NAALADL2: variants seen among roughly 807,000 people sequenced by gnomAD.
NAALADL2 encodes inactive N-acetylated-alpha-linked acidic dipeptidase-like protein 2.
NAALADL2 carries 76 observed loss-of-function variants against 87.2 expected under a neutral mutation model. The observed-to-expected ratio is 0.87, with a 90% CI of 0.72 to 1.05. The LOEUF (loss-of-function observed/expected upper bound fraction) is 1.05, where lower values mean the gene tolerates loss of function less well. NAALADL2 is among the 50% of genes least tolerant of loss of function. The pLI is 0.00. For synonymous variants in NAALADL2, 354 were observed against 331.0 expected (o/e 1.07, Z -0.75); for missense variants, 1,089 against 945.8 (o/e 1.15, Z -1.99).
chr3:174,725,190 A>G (rs986954671), intron 2 of NAALADL2, among the ~76,000 whole-genome samples: 1 of 152,200 alleles, frequency 6.6e-6, no homozygotes, highest in Non-Finnish European at 1.5e-5. Context: ...CTTCTTCTCT[A>G]CTTTTCTCAC....
intron 4 of NAALADL2, among the ~76,000 whole-genome samples, chr3:175,301,438 C>T (rs986713135): frequency 6.6e-6 from 1 of 151,468 alleles, no homozygotes; most frequent in East Asian, 1.9e-4. Context: ...TAAATAAATA[C>T]ATAAATACTG....
At chr3:175,551,806 G>C (rs1029991049) in intron 9 of NAALADL2, among the ~76,000 whole-genome samples, 2 of 151,778 alleles carry the variant, frequency 1.3e-5, no homozygotes, top group East Asian at 3.9e-4. Flanking sequence ...GCTGAGGCAG[G>C]AGAATGGCGT....
At chr3:175,548,426 AG>A (rs1304338341) in intron 9 of NAALADL2, among the ~76,000 whole-genome samples, 1 of 152,038 alleles carries the variant, frequency 6.6e-6, no homozygotes, top group Non-Finnish European at 1.5e-5. Context: ...GAGGAGGAAG[AG>A]GATCAGGAAA....
chr3:175,391,935 C>T (rs1029594453), intron 5 of NAALADL2, among the ~76,000 whole-genome samples: 2 of 152,054 alleles, frequency 1.3e-5, no homozygotes, highest in African/African-American at 4.8e-5. Context: ...AAGCATTGTT[C>T]TAAGTGTTTC....
intron 1 of NAALADL2, among the ~76,000 whole-genome samples, chr3:174,504,274 A>G (rs1719076208): frequency 6.6e-6 from 1 of 152,182 alleles, no homozygotes; most frequent in African/African-American, 2.4e-5. Context: ...TATTTATTCT[A>G]CAGTTAGAGC....
chr3:175,748,661 A>G (rs564373437), intron 12 of NAALADL2, among the ~76,000 whole-genome samples: 1 of 152,188 alleles, frequency 6.6e-6, no homozygotes, highest in Non-Finnish European at 1.5e-5. Flanking sequence ...AGTACATTTC[A>G]CTTTTAATTT....
At chr3:175,575,988 G>A in intron 9 of NAALADL2, 53 bp from the exon 10 acceptor site, 1 of 1,459,080 alleles carries the variant, frequency 6.9e-7, no homozygotes, top group Non-Finnish European at 9.4e-7. Flanking sequence ...CACTGATCTA[G>A]GGATGACCTG....
chr3:174,814,763 A>G (rs1720606678), intron 3 of NAALADL2, among the ~76,000 whole-genome samples: 1 of 152,226 alleles, frequency 6.6e-6, no homozygotes, highest in Non-Finnish European at 1.5e-5. Flanking sequence ...TTGTTTACAT[A>G]TAAACCACAT....
chr3:175,323,133 A>G (rs1344068671), intron 4 of NAALADL2, among the ~76,000 whole-genome samples: 1 of 147,798 alleles, frequency 6.8e-6, no homozygotes, highest in Non-Finnish European at 1.5e-5. Flanking sequence ...TGTGGCACAT[A>G]TACACCATGG....
At chr3:175,601,337 G>C (rs544303767) in intron 10 of NAALADL2, among the ~76,000 whole-genome samples, 89 of 152,174 alleles carry the variant, frequency 5.8e-4, no homozygotes, top group African/African-American at 2.1e-3. Flanking sequence ...TTCTGTACTT[G>C]ACATAGTGAA....
chr3:175,096,299 T>C (rs1721140896), intron 1 of NAALADL2, among the ~76,000 whole-genome samples: 3 of 152,134 alleles, frequency 2.0e-5, no homozygotes, highest in African/African-American at 7.2e-5. Flanking sequence ...GCTCTGGCAA[T>C]GTAATCATTC....
intron 10 of NAALADL2, among the ~76,000 whole-genome samples, chr3:175,587,564 T>C (rs1197281523): frequency 6.6e-6 from 1 of 152,174 alleles, no homozygotes; most frequent in African/African-American, 2.4e-5. Context: ...ATTAAAACAC[T>C]GTTAAATAAA....
chr3:175,740,085 G>T (rs954728199), intron 12 of NAALADL2, among the ~76,000 whole-genome samples: 1 of 151,924 alleles, frequency 6.6e-6, no homozygotes, highest in African/African-American at 2.4e-5. Flanking sequence ...TGGGATAAAG[G>T]TACAATTATA....
intron 2 of NAALADL2, among the ~76,000 whole-genome samples, chr3:174,659,732 A>G (rs957615924): frequency 6.6e-6 from 1 of 152,148 alleles, no homozygotes; most frequent in African/African-American, 2.4e-5. Context: ...CCCTGGGGCT[A>G]TGTCTGATAA....
chr3:175,232,973 A>C lies in NAALADL2; in HGVS notation c.546-958A>C, dbSNP rs185832882. Among the ~76,000 whole-genome samples the C allele has an allele frequency of 7.0e-4, 106 of 152,310 alleles. 1 individual carries two copies. The highest frequency in any genetic ancestry group is 3.4e-3 in the Middle Eastern group (1 of 294). On this transcript the variant is annotated intron_variant, in intron 2 of 13. Coordinates refer to ENST00000454872, the MANE Select transcript of NAALADL2 (RefSeq NM_207015.3). ...CTGATTCTGTTCTAGGTACTATACA[A>C]AATTTTTAACAGATTTGTCTGGCTT...
intron 13 of NAALADL2, among the ~76,000 whole-genome samples, chr3:175,795,378 A>G (rs1387361212): frequency 6.6e-6 from 1 of 152,192 alleles, no homozygotes; most frequent in Non-Finnish European, 1.5e-5. Context: ...TGTCAAATCC[A>G]TATTGTACTC....
Position 175,019,149 on chromosome 3 carries a change from G to A in NAALADL2, c.44-77641G>A, listed in dbSNP as rs553140127. ...TTCATACTTTCAAAATAATTTTTAC[G>A]TCAGTTATGTGGACTATGCTGCTGT... On this transcript the variant is annotated intron_variant, in intron 1 of 13. Coordinates refer to ENST00000454872, the MANE Select transcript of NAALADL2 (RefSeq NM_207015.3). 2.7e-4 allele frequency among the ~76,000 whole-genome samples: 41 copies of A among 151,854 alleles called. No homozygotes were observed. In the South Asian group the frequency reaches 8.3e-3, roughly 31 times the overall value.
chr3:175,731,423 G>A (rs964696795), intron 11 of NAALADL2, among the ~76,000 whole-genome samples: 1 of 152,104 alleles, frequency 6.6e-6, no homozygotes, highest in Non-Finnish European at 1.5e-5. Context: ...CAGTGTTTTT[G>A]ACATAGAATA....
chr3:174,793,333 C>G (rs928300694), intron 3 of NAALADL2, among the ~76,000 whole-genome samples: 1 of 152,092 alleles, frequency 6.6e-6, no homozygotes, highest in Non-Finnish European at 1.5e-5. Flanking sequence ...AGCACCTAGT[C>G]ATGGTGGATA....
Sources: allele counts gnomAD v4.1 joint callset (sites outside exome capture counted in the v4.1 genomes callset), GRCh38; gene constraint gnomAD v4.1.1; transcripts MANE v1.5; gene names NCBI Gene and HGNC (gene_info 2026-07-23, HGNC 2026-07-21).